The following GPATCH2 variants were observed in gnomAD, a reference collection of about 807,000 sequenced individuals.
The protein encoded by GPATCH2 is G-patch domain containing 2, also known as G patch domain-containing protein 2.
GPATCH2 carries 51 observed loss-of-function variants against 58.0 expected under a neutral mutation model. That is an observed-to-expected ratio of 0.88 (90% CI 0.70 to 1.11). The LOEUF (loss-of-function observed/expected upper bound fraction) is 1.11, where lower values mean the gene tolerates loss of function less well. GPATCH2 is among the 50% of genes most tolerant of loss of function. The probability of loss-of-function intolerance (pLI) is 0.00; values close to 1 mark genes in which losing one functional copy is unlikely to be tolerated. For synonymous variants in GPATCH2, 222 were observed against 218.5 expected (o/e 1.02, Z -0.14); for missense variants, 625 against 652.2 (o/e 0.96, Z 0.45).
At chr1:217,460,643 G>C (rs987667862) in intron 8 of GPATCH2, among the ~76,000 whole-genome samples, 5 of 152,248 alleles carry the variant, frequency 3.3e-5, no homozygotes, top group Non-Finnish European at 7.3e-5. Context: ...GGAGCAGTGG[G>C]AGGAGATGAC....
rs1258047237 is a variant in GPATCH2 at position 217,428,919 on chromosome 1, C to G, written c.*2226G>C. The G allele has an allele frequency of 6.6e-6, 1 of 152,204 alleles. No homozygotes were observed. The highest frequency in any genetic ancestry group is 2.4e-5 in the African/African-American group (1 of 41,446). 9.4% of individuals were successfully genotyped at this position (152,204 alleles called of 1,614,324 possible). ...CCTATACACTAGTCTGGTGTATATA[C>G]TGCTCTTCTTCACTATGAGGGTTTT... On this transcript the variant is annotated 3_prime_UTR_variant, in exon 10 of 10. Coordinates refer to ENST00000366935, the MANE Select transcript of GPATCH2 (RefSeq NM_018040.5).
chr1:217,536,178 G>C (rs1027499414), intron 5 of GPATCH2, among the ~76,000 whole-genome samples: 1 of 152,170 alleles, frequency 6.6e-6, no homozygotes, highest in African/African-American at 2.4e-5. Flanking sequence ...ATGGAAGAAA[G>C]AATGAGTGCT....
chr1:217,528,456 C>A (rs552827991), intron 5 of GPATCH2, among the ~76,000 whole-genome samples: 1 of 152,166 alleles, frequency 6.6e-6, no homozygotes. Context: ...CTTCTGCCTA[C>A]GATGACTAGG....
At chr1:217,539,689 T>A (rs745522388) in intron 5 of GPATCH2, among the ~76,000 whole-genome samples, 1 of 152,170 alleles carries the variant, frequency 6.6e-6, no homozygotes, top group Non-Finnish European at 1.5e-5. Flanking sequence ...GAGTAATACA[T>A]AATAAATCTG....
intron 5 of GPATCH2, among the ~76,000 whole-genome samples, chr1:217,547,696 G>C (rs954788458): frequency 1.3e-5 from 2 of 152,188 alleles, no homozygotes; most frequent in Non-Finnish European, 2.9e-5. Context: ...CCATAAAAAA[G>C]AATTAGATCA....
intron 3 of GPATCH2, 41 bp downstream of exon 3, chr1:217,614,097 TGAA>T (rs765491502): frequency 3.2e-5 from 33 of 1,038,618 alleles, no homozygotes; most frequent in Non-Finnish European, 4.9e-5. Flanking sequence ...CACTTTAGAA[TGAA>T]GAAGTTTTTC....
chr1:217,581,003 G>T, intron 5 of GPATCH2, among the ~76,000 whole-genome samples: 1 of 137,064 alleles, frequency 7.3e-6, no homozygotes. Flanking sequence ...GCGACAGAGC[G>T]AGACTCCGTC....
chr1:217,626,422 G>A (rs1295698128), intron 1 of GPATCH2, among the ~76,000 whole-genome samples: 7 of 152,064 alleles, frequency 4.6e-5, no homozygotes. Flanking sequence ...AATGTTGGTT[G>A]GTCCTAAAAG....
chr1:217,435,022 A>T (rs1658746064), intron 9 of GPATCH2, among the ~76,000 whole-genome samples: 1 of 152,358 alleles, frequency 6.6e-6, no homozygotes, highest in South Asian at 2.1e-4. Flanking sequence ...AAAAAAAGTA[A>T]CAGATACTTC....
intron 8 of GPATCH2, among the ~76,000 whole-genome samples, chr1:217,481,985 G>A (rs1661230547): frequency 6.6e-6 from 1 of 152,060 alleles, no homozygotes; most frequent in Admixed American, 6.6e-5. Context: ...ATTTGTTATT[G>A]TTTATTCCTT....
chr1:217,509,992 C>T (rs1012419600), intron 6 of GPATCH2, among the ~76,000 whole-genome samples: 2 of 152,162 alleles, frequency 1.3e-5, no homozygotes, highest in South Asian at 4.1e-4. Flanking sequence ...ACTATTACTG[C>T]TTCCTCAATA....
intron 5 of GPATCH2, among the ~76,000 whole-genome samples, chr1:217,577,603 T>TCA (rs1666863378): frequency 6.6e-6 from 1 of 152,180 alleles, no homozygotes; most frequent in Non-Finnish European, 1.5e-5. Context: ...AGCTATTTTG[T>TCA]CTACAGAAAA....
chr1:217,604,190 A>C (rs1195197899), intron 5 of GPATCH2, among the ~76,000 whole-genome samples: 1 of 151,842 alleles, frequency 6.6e-6, no homozygotes, highest in East Asian at 2.0e-4. Context: ...ATCTCTATTA[A>C]AAATACAAAA....
chr1:217,499,948 A>ATG, intron 6 of GPATCH2, among the ~76,000 whole-genome samples: 1 of 151,986 alleles, frequency 6.6e-6, no homozygotes, highest in Non-Finnish European at 1.5e-5. Flanking sequence ...AATAGCTTGT[A>ATG]ATTCATTGAT....
chr1:217,465,208 A>G (rs1660390715), intron 8 of GPATCH2, among the ~76,000 whole-genome samples: 1 of 152,058 alleles, frequency 6.6e-6, no homozygotes, highest in Non-Finnish European at 1.5e-5. Flanking sequence ...AAAAATAAAA[A>G]CTTTAAAATT....
At chr1:217,482,819 G>A (rs1179298748) in intron 8 of GPATCH2, among the ~76,000 whole-genome samples, 1 of 152,018 alleles carries the variant, frequency 6.6e-6, no homozygotes, top group African/African-American at 2.4e-5. Context: ...TCATACACAC[G>A]TGAAACCATC....
intron 5 of GPATCH2, among the ~76,000 whole-genome samples, chr1:217,561,171 A>T (rs1041738884): frequency 4.6e-5 from 7 of 152,244 alleles, no homozygotes; most frequent in Non-Finnish European, 5.9e-5. Flanking sequence ...CAGTTTTCAA[A>T]GTCACTTCTG....
chr1:217,491,852 A>G, intron 7 of GPATCH2, 102 bp from the exon 8 acceptor site: 1 of 374,350 alleles, frequency 2.7e-6, no homozygotes, highest in Non-Finnish European at 4.8e-6. Context: ...CTACTCATTT[A>G]TTTGCACGGC....
At chr1:217,496,022 T>C (rs896084762) in intron 7 of GPATCH2, among the ~76,000 whole-genome samples, 1 of 152,226 alleles carries the variant, frequency 6.6e-6, no homozygotes, top group African/African-American at 2.4e-5. Context: ...TCATGCATGC[T>C]AATTAGTCAT....
Sources: gnomAD v4.1 joint callset for allele counts (sites outside exome capture counted in the v4.1 genomes callset) on GRCh38, gnomAD v4.1.1 for gene constraint, MANE v1.5 for transcripts, NCBI Gene and HGNC (gene_info 2026-07-23, HGNC 2026-07-21) for gene names.